The following RAB11FIP4 variants were observed in gnomAD, a reference collection of about 807,000 sequenced individuals.
The protein encoded by RAB11FIP4 is RAB11 family interacting protein 4, also known as rab11 family-interacting protein 4.
In RAB11FIP4, 23 loss-of-function variants were observed where a neutral mutation model predicts 74.3. The ratio of observed to expected loss-of-function variants is 0.31; its 90% CI spans 0.22 to 0.44. The LOEUF (loss-of-function observed/expected upper bound fraction) is 0.44, where lower values mean the gene tolerates loss of function less well. RAB11FIP4 is among the 20% of genes least tolerant of loss of function. RAB11FIP4 has a pLI of 1.00. For synonymous variants in RAB11FIP4, 360 were observed against 359.9 expected, an observed-to-expected ratio of 1.00 and a Z score of 0.00; for missense variants, 630 against 863.9, an observed-to-expected ratio of 0.73 and a Z score of 3.39.
intron 3 of RAB11FIP4, among the ~76,000 whole-genome samples, chr17:31,511,777 C>T (rs1402296332): frequency 2.6e-5 from 4 of 152,214 alleles, no homozygotes; most frequent in South Asian, 4.1e-4. Flanking sequence ...GAGGCTGGGA[C>T]GGCCCCCACG....
intron 3 of RAB11FIP4, among the ~76,000 whole-genome samples, chr17:31,516,617 G>A (rs1435393064): frequency 6.6e-6 from 1 of 152,204 alleles, no homozygotes; most frequent in African/African-American, 2.4e-5. Context: ...CTACAGGCAT[G>A]CGCCACCTCG....
intron 3 of RAB11FIP4, among the ~76,000 whole-genome samples, chr17:31,461,084 A>C (rs138129732): frequency 8.1e-6 from 1 of 122,888 alleles, no homozygotes; most frequent in African/African-American, 3.2e-5. Context: ...CCAAATCCAC[A>C]GACCCCTACT....
intron 3 of RAB11FIP4, among the ~76,000 whole-genome samples, chr17:31,484,769 C>CATT (rs1399960417): frequency 6.6e-6 from 1 of 152,144 alleles, no homozygotes; most frequent in East Asian, 1.9e-4. Flanking sequence ...CCATAATGAT[C>CATT]ATTAGTAATA....
chr17:31,514,596 G>C (rs960522705), intron 3 of RAB11FIP4, among the ~76,000 whole-genome samples: 12 of 152,366 alleles, frequency 7.9e-5, no homozygotes, highest in Middle Eastern at 3.4e-3. Flanking sequence ...TTGCCAAGTT[G>C]CTGAGCTCTC....
At chr17:31,469,631 CAA>C (rs11414143) in intron 3 of RAB11FIP4, among the ~76,000 whole-genome samples, 562 of 91,682 alleles carry the variant, frequency 6.1e-3, no homozygotes, top group Non-Finnish European at 7.0e-3. Context: ...GACCCTCTCT[CAA>C]AAAAAAAAAA....
At chr17:31,476,879 C>T (rs1435944107) in intron 3 of RAB11FIP4, among the ~76,000 whole-genome samples, 1 of 152,194 alleles carries the variant, frequency 6.6e-6, no homozygotes, top group African/African-American at 2.4e-5. Flanking sequence ...CCAGCCCTGG[C>T]AGGGGAGGCA....
intron 3 of RAB11FIP4, among the ~76,000 whole-genome samples, chr17:31,435,699 G>GACCCCTGGCA (rs1289824590): frequency 2.0e-5 from 3 of 152,210 alleles, no homozygotes; most frequent in Admixed American, 2.0e-4. Context: ...GTGGGGTCAG[G>GACCCCTGGCA]GTTAGGTTCC....
intron 3 of RAB11FIP4, among the ~76,000 whole-genome samples, chr17:31,453,448 A>G (rs150320861): frequency 9.3e-5 from 14 of 151,076 alleles, no homozygotes; most frequent in African/African-American, 3.2e-4. Flanking sequence ...ATGCTGTCAC[A>G]TACTACTTGG....
intron 3 of RAB11FIP4, among the ~76,000 whole-genome samples, chr17:31,478,400 G>C (rs1361998591): frequency 2.0e-5 from 3 of 152,158 alleles, no homozygotes; most frequent in African/African-American, 4.8e-5. Flanking sequence ...GATCCCTTGT[G>C]TTGTTAAATG....
chr17:31,495,939 A>C (rs1399435248), intron 3 of RAB11FIP4, among the ~76,000 whole-genome samples: 1 of 152,218 alleles, frequency 6.6e-6, no homozygotes, highest in African/African-American at 2.4e-5. Flanking sequence ...TCTAAGGCAC[A>C]TTCTTTTTTT....
At chr17:31,446,504 T>C (rs1488794734) in intron 3 of RAB11FIP4, among the ~76,000 whole-genome samples, 1 of 152,146 alleles carries the variant, frequency 6.6e-6, no homozygotes, top group Non-Finnish European at 1.5e-5. Context: ...CGATGAACAC[T>C]GTACACTGGG....
intron 1 of RAB11FIP4, among the ~76,000 whole-genome samples, chr17:31,430,294 G>A (rs1034352215): frequency 2.6e-5 from 4 of 151,984 alleles, no homozygotes; most frequent in African/African-American, 9.7e-5. Context: ...CATGGGAGGA[G>A]AGGGAGTGGA....
chr17:31,411,459 G>A (rs1157369461), intron 1 of RAB11FIP4, among the ~76,000 whole-genome samples: 1 of 152,156 alleles, frequency 6.6e-6, no homozygotes, highest in Non-Finnish European at 1.5e-5. Flanking sequence ...TGGAGCTTTG[G>A]TTTTCTGGTT....
At chr17:31,434,709 T>C (rs1410839163) in intron 3 of RAB11FIP4, among the ~76,000 whole-genome samples, 1 of 152,124 alleles carries the variant, frequency 6.6e-6, no homozygotes, top group Non-Finnish European at 1.5e-5. Flanking sequence ...ACTCAGGAAA[T>C]GGTTGTACTT....
At chr17:31,496,292 G>A (rs1597955482) in intron 3 of RAB11FIP4, among the ~76,000 whole-genome samples, 1 of 152,208 alleles carries the variant, frequency 6.6e-6, no homozygotes, top group Non-Finnish European at 1.5e-5. Flanking sequence ...ACCTCTCTGA[G>A]CCTCGGGATT....
intron 3 of RAB11FIP4, among the ~76,000 whole-genome samples, chr17:31,517,193 G>GGT (rs2072570129): frequency 1.8e-5 from 1 of 56,446 alleles, no homozygotes; most frequent in Non-Finnish European, 3.1e-5. Context: ...AGGCGGTGCG[G>GGT]GGGGGGGGGC....
In RAB11FIP4 at chr17:31,505,426, T is replaced by TA. The variant is rs1447467760; in HGVS notation, c.337-12224dup. Among the ~76,000 whole-genome samples, 138 of 80,552 alleles carry TA rather than the reference T, an allele frequency of 1.7e-3. 1 individual carries two copies. Among genetic ancestry groups the TA allele is most frequent in the African/African-American group, 8.1e-3 (132 of 16,342 alleles). 52.8% of individuals were successfully genotyped at this position (80,552 alleles called of 152,430 possible). A position where few individuals can be genotyped will look rare whatever the true frequency, so the allele number is the denominator to read the frequency against. On this transcript the variant is annotated intron_variant, in intron 3 of 14. Transcript: ENST00000621161. ...ATATATAATAATTATTATATATTAA[T>TA]ATATAATTATTATATAATATATAAT...
At chr17:31,522,079 AG>A in intron 6 of RAB11FIP4, 30 bp downstream of exon 6, 1 of 1,613,476 alleles carries the variant, frequency 6.2e-7, no homozygotes, top group Non-Finnish European at 8.5e-7. Context: ...GGGGGGTGAG[AG>A]GCCGGGGGGC....
intron 3 of RAB11FIP4, among the ~76,000 whole-genome samples, chr17:31,471,761 G>C (rs2071739283): frequency 6.6e-6 from 1 of 152,226 alleles, no homozygotes; most frequent in Non-Finnish European, 1.5e-5. Flanking sequence ...CCCAGTGGGA[G>C]AGCCTGACGC....
Sources: allele counts gnomAD v4.1 joint callset (sites outside exome capture counted in the v4.1 genomes callset), GRCh38; gene constraint gnomAD v4.1.1; transcripts MANE v1.5; gene names NCBI Gene and HGNC (gene_info 2026-07-23, HGNC 2026-07-21).